TUSC3: variants seen among roughly 807,000 people sequenced by gnomAD.
TUSC3 encodes the protein tumor suppressor candidate 3, also known as dolichyl-diphosphooligosaccharide--protein glycosyltransferase subunit TUSC3.
Under a neutral mutation model 44.8 loss-of-function variants are expected in TUSC3, and 45 were observed. That is an observed-to-expected ratio of 1.00 (90% CI 0.79 to 1.29). The LOEUF is 1.29. Ranked by LOEUF, TUSC3 falls within the 50% of genes most tolerant of loss-of-function variation. The probability of loss-of-function intolerance (pLI) is 0.00; values close to 1 mark genes in which losing one functional copy is unlikely to be tolerated. For missense variants in TUSC3, 519 were observed against 437.9 expected, an observed-to-expected ratio of 1.19 and a Z score of -1.65; for synonymous variants, 212 against 152.9, an observed-to-expected ratio of 1.39 and a Z score of -2.85.
chr8:15,676,033 T>C (rs990025031), intron 6 of TUSC3, among the ~76,000 whole-genome samples: 1 of 152,182 alleles, frequency 6.6e-6, no homozygotes, highest in Non-Finnish European at 1.5e-5. Context: ...ATAATTGTAC[T>C]AATTTACATT....
chr8:15,602,169 AG>A (rs1319833602), intron 1 of TUSC3, among the ~76,000 whole-genome samples: 1 of 151,602 alleles, frequency 6.6e-6, no homozygotes, highest in African/African-American at 2.4e-5. Flanking sequence ...GTCTGAAAAA[AG>A]TCTGAAGTCC....
chr8:15,534,186 T>C (rs1801490374), intron 2 of TUSC3, among the ~76,000 whole-genome samples: 1 of 152,122 alleles, frequency 6.6e-6, no homozygotes, highest in African/African-American at 2.4e-5. Context: ...ACTATAATTA[T>C]GAGATAAAAT....
chr8:15,808,591 A>G, the TUSC3 span, among the ~76,000 whole-genome samples: 1 of 152,134 alleles, frequency 6.6e-6, no homozygotes, highest in Non-Finnish European at 1.5e-5. Context: ...CCATCGTTAC[A>G]TCTTCCACGA....
At chr8:15,640,662 G>T (rs187393257) in intron 2 of TUSC3, among the ~76,000 whole-genome samples, 2 of 152,190 alleles carry the variant, frequency 1.3e-5, no homozygotes, top group East Asian at 1.9e-4. Flanking sequence ...GCTTTTTGTC[G>T]TGGAACTGGA....
intron 7 of TUSC3, among the ~76,000 whole-genome samples, chr8:15,734,765 A>G (rs1489073169): frequency 6.6e-6 from 1 of 152,220 alleles, no homozygotes. Context: ...AGTTTCAGAG[A>G]CAGAGAAATG....
At chr8:15,485,638 C>G (rs948925160) in intron 2 of TUSC3, among the ~76,000 whole-genome samples, 3 of 152,038 alleles carry the variant, frequency 2.0e-5, no homozygotes, top group Admixed American at 1.3e-4. Context: ...ATCTCTACTC[C>G]AAAACCACAT....
chr8:15,436,677 A>G (rs1799949389), intron 1 of TUSC3, among the ~76,000 whole-genome samples: 1 of 150,116 alleles, frequency 6.7e-6, no homozygotes, highest in Admixed American at 6.7e-5. Context: ...AATTACCTGC[A>G]AAAAACCCAG....
In TUSC3 at chr8:15,572,003, C is replaced by T. The variant is rs191076741; in HGVS notation, c.138+31435C>T. Among the ~76,000 whole-genome samples the T allele has an allele frequency of 3.9e-5, 6 of 152,230 alleles. No homozygotes were observed. The East Asian group carries it at 5.8e-4, about 15-fold the overall frequency. ...AGGCACAATAGATTTAGCTTAATTG[C>T]GCTGGACCTTAGGCTTTTCGGAATG... On this transcript the variant is annotated intron_variant, in intron 1 of 10. Coordinates refer to ENST00000503731, the MANE Select transcript of TUSC3 (RefSeq NM_006765.4).
At chr8:15,817,454 C>T in the TUSC3 span, among the ~76,000 whole-genome samples, 1 of 152,114 alleles carries the variant, frequency 6.6e-6, no homozygotes, top group Non-Finnish European at 1.5e-5. Context: ...CCACCTAAAT[C>T]TCATCCTGAA....
intron 2 of TUSC3, among the ~76,000 whole-genome samples, chr8:15,530,804 A>G (rs897526077): frequency 2.6e-5 from 4 of 152,200 alleles, no homozygotes; most frequent in Non-Finnish European, 2.9e-5. Flanking sequence ...CATCCTCACA[A>G]GAGTCTTCTG....
At chr8:15,442,212 C>A (rs1800029832) in intron 1 of TUSC3, among the ~76,000 whole-genome samples, 1 of 151,882 alleles carries the variant, frequency 6.6e-6, no homozygotes, top group South Asian at 2.1e-4. Context: ...TTACCTGTTG[C>A]AATTTATACT....
At chr8:15,455,371 A>T (rs1459077237) in intron 1 of TUSC3, among the ~76,000 whole-genome samples, 1 of 152,110 alleles carries the variant, frequency 6.6e-6, no homozygotes, top group African/African-American at 2.4e-5. Context: ...TCCATCATGT[A>T]TATGTATGTA....
At chr8:15,451,139 G>T (rs1399182354) in intron 1 of TUSC3, among the ~76,000 whole-genome samples, 1 of 152,076 alleles carries the variant, frequency 6.6e-6, no homozygotes, top group Non-Finnish European at 1.5e-5. Context: ...TCAAGTATGT[G>T]GTTGTGATAT....
chr8:15,584,268 A>C (rs578018535), intron 1 of TUSC3, among the ~76,000 whole-genome samples: 1 of 152,332 alleles, frequency 6.6e-6, no homozygotes, highest in South Asian at 2.1e-4. Flanking sequence ...ACATTGACTT[A>C]AAGGCAGGGT....
At chr8:15,827,387 A>G in the TUSC3 span, among the ~76,000 whole-genome samples, 1 of 152,324 alleles carries the variant, frequency 6.6e-6, no homozygotes, top group East Asian at 1.9e-4. Context: ...ATTCTTTTAA[A>G]AAGTGGAATG....
At chr8:15,761,944 G>GA (rs1442019571) in intron 10 of TUSC3, among the ~76,000 whole-genome samples, 1 of 151,642 alleles carries the variant, frequency 6.6e-6, no homozygotes, top group African/African-American at 2.4e-5. Context: ...TGTGAAAAGG[G>GA]AAAAAAATAC....
At chr8:15,562,127 T>C (rs1273622331) in intron 1 of TUSC3, among the ~76,000 whole-genome samples, 1 of 152,182 alleles carries the variant, frequency 6.6e-6, no homozygotes, top group Non-Finnish European at 1.5e-5. Context: ...TTCAGAGATC[T>C]TGGAGATAAG....
chr8:15,420,857 C>G (rs58900200), intron 1 of TUSC3, among the ~76,000 whole-genome samples: 11,763 of 152,094 alleles, frequency 0.077, 444 homozygotes, highest in East Asian at 0.16. Context: ...TATGTTGATT[C>G]GCTTCTCCCT....
intron 1 of TUSC3, among the ~76,000 whole-genome samples, chr8:15,436,995 T>C (rs773664380): frequency 6.6e-6 from 1 of 152,172 alleles, no homozygotes; most frequent in Non-Finnish European, 1.5e-5. Flanking sequence ...ACTGGCTATT[T>C]AAAATTGATG....
Sources: gnomAD v4.1 joint callset for allele counts (sites outside exome capture counted in the v4.1 genomes callset) on GRCh38, gnomAD v4.1.1 for gene constraint, MANE v1.5 for transcripts, NCBI Gene and HGNC (gene_info 2026-07-23, HGNC 2026-07-21) for gene names.